Variants in FAR1 observed in about 807,000 individuals in gnomAD.
FAR1 encodes fatty acyl-CoA reductase 1.
FAR1 carries 22 observed loss-of-function variants against 61.1 expected under a neutral mutation model. The ratio of observed to expected loss-of-function variants is 0.36; its 90% CI spans 0.26 to 0.51. FAR1 has a LOEUF of 0.51. Ranked by LOEUF, FAR1 falls within the 20% of genes least tolerant of loss-of-function variation. The pLI, the probability that FAR1 is intolerant of heterozygous loss-of-function variation, is 0.95. For missense variants in FAR1, 359 were observed against 626.9 expected, an observed-to-expected ratio of 0.57 and a Z score of 4.56; for synonymous variants, 206 against 209.7, an observed-to-expected ratio of 0.98 and a Z score of 0.15.
intron 4 of FAR1, among the ~76,000 whole-genome samples, chr11:13,708,466 C>CAT (rs1407183534): frequency 3.4e-5 from 5 of 148,386 alleles, no homozygotes; most frequent in African/African-American, 7.5e-5. Flanking sequence ...CACACACACA[C>CAT]ACACACACAC....
At chr11:13,680,552 G>A (rs1164483619) in intron 1 of FAR1, among the ~76,000 whole-genome samples, 1 of 152,172 alleles carries the variant, frequency 6.6e-6, no homozygotes, top group African/African-American at 2.4e-5. Flanking sequence ...TTCTGATGAG[G>A]GCCTCAGGAG....
intron 1 of FAR1, among the ~76,000 whole-genome samples, chr11:13,683,092 GA>G (rs1326603855): frequency 1.3e-5 from 2 of 152,032 alleles, no homozygotes; most frequent in Non-Finnish European, 2.9e-5. Flanking sequence ...GAGATAAGCA[GA>G]ATTAATTAAA....
At chr11:13,683,407 A>T (rs1199774733) in intron 1 of FAR1, among the ~76,000 whole-genome samples, 3 of 152,128 alleles carry the variant, frequency 2.0e-5, no homozygotes, top group Admixed American at 1.3e-4. Flanking sequence ...AAAAAAAGAC[A>T]AAGCAGCATT....
At position 13,704,419 on chromosome 11, in the gene FAR1, G is replaced by T. The variant is rs142013044; in HGVS notation, c.366-3481G>T. Among the ~76,000 whole-genome samples, 442 of 152,280 alleles carry T rather than the reference G, an allele frequency of 2.9e-3. 2 individuals carry two copies. Among genetic ancestry groups the T allele is most frequent in the Middle Eastern group, 6.8e-3 (2 of 294 alleles). On this transcript the variant is annotated intron_variant, in intron 3 of 11. Coordinates refer to ENST00000354817, the MANE Select transcript of FAR1 (RefSeq NM_032228.6). ...GCTTAGAAAAGATCAAGAAACTATT[G>T]AGTTTGTTGGGCATTGATTATCAAA...
At chr11:13,699,395 A>C (rs983696012) in intron 2 of FAR1, among the ~76,000 whole-genome samples, 4 of 152,328 alleles carry the variant, frequency 2.6e-5, no homozygotes, top group African/African-American at 9.6e-5. Context: ...ATGTGCTAGC[A>C]GTGGAAGTAG....
intron 2 of FAR1, among the ~76,000 whole-genome samples, chr11:13,695,942 TTTAAA>T (rs1455083715): frequency 3.3e-5 from 5 of 152,216 alleles, no homozygotes; most frequent in African/African-American, 1.2e-4. Context: ...TTATTATACT[TTTAAA>T]TTATTCAAAT....
chr11:13,678,534 G>C (rs1186100492), intron 1 of FAR1, among the ~76,000 whole-genome samples: 4 of 152,124 alleles, frequency 2.6e-5, no homozygotes, highest in Non-Finnish European at 4.4e-5. Context: ...AAAGTGCTGG[G>C]GTTACAGGCA....
intron 1 of FAR1, among the ~76,000 whole-genome samples, chr11:13,685,322 T>C (rs1848174247): frequency 6.6e-6 from 1 of 152,078 alleles, no homozygotes; most frequent in Middle Eastern, 3.4e-3. Flanking sequence ...AGATCTCACA[T>C]ATTTATTATT....
intron 3 of FAR1, among the ~76,000 whole-genome samples, chr11:13,702,833 G>GC (rs1264028480): frequency 4.6e-5 from 7 of 152,200 alleles, no homozygotes; most frequent in Admixed American, 4.6e-4. Flanking sequence ...GCTTTACAAG[G>GC]AGGACCAAAG....
At chr11:13,689,626 G>A (rs1356276072) in intron 1 of FAR1, among the ~76,000 whole-genome samples, 1 of 152,126 alleles carries the variant, frequency 6.6e-6, no homozygotes, top group East Asian at 1.9e-4. Context: ...ATGAACATAT[G>A]TACTTATTTC....
At chr11:13,718,649 T>C (rs1477600782) in intron 9 of FAR1, among the ~76,000 whole-genome samples, 1 of 152,222 alleles carries the variant, frequency 6.6e-6, no homozygotes, top group Non-Finnish European at 1.5e-5. Flanking sequence ...TTAATCTGTT[T>C]TACATAACAA....
chr11:13,694,196 A>G (rs1447390826), intron 1 of FAR1, among the ~76,000 whole-genome samples: 3 of 152,184 alleles, frequency 2.0e-5, no homozygotes, highest in African/African-American at 7.2e-5. Flanking sequence ...TTCTTACTCT[A>G]ACTTTTTAAA....
At chr11:13,691,355 C>A (rs1387311503) in intron 1 of FAR1, among the ~76,000 whole-genome samples, 3 of 152,198 alleles carry the variant, frequency 2.0e-5, no homozygotes, top group African/African-American at 7.2e-5. Flanking sequence ...AATAGTATCA[C>A]ATTGGCAAAA....
At chr11:13,694,736 C>T (rs1367856365) in intron 1 of FAR1, 23 bp from the exon 2 acceptor site, 2 of 1,572,152 alleles carry the variant, frequency 1.3e-6, no homozygotes, top group South Asian at 2.3e-5. Context: ...TAAACTAATG[C>T]TTATTTGCCA....
intron 3 of FAR1, among the ~76,000 whole-genome samples, chr11:13,705,255 TATAAC>T (rs1229338053): frequency 1.3e-5 from 2 of 152,064 alleles, no homozygotes; most frequent in African/African-American, 4.8e-5. Context: ...TGACTTCTGA[TATAAC>T]ATGTCAGAGT....
intron 10 of FAR1, among the ~76,000 whole-genome samples, chr11:13,725,692 T>G (rs1012801081): frequency 6.6e-6 from 1 of 152,144 alleles, no homozygotes; most frequent in African/African-American, 2.4e-5. Flanking sequence ...TGGTGTATGT[T>G]TCTCCATTCT....
At chr11:13,677,366 G>A (rs1848078563) in intron 1 of FAR1, among the ~76,000 whole-genome samples, 1 of 152,202 alleles carries the variant, frequency 6.6e-6, no homozygotes, top group Admixed American at 6.5e-5. Context: ...TTTCTAGGAT[G>A]ATCTTTGCCT....
At chr11:13,694,190 T>A (rs1252535765) in intron 1 of FAR1, among the ~76,000 whole-genome samples, 1 of 152,234 alleles carries the variant, frequency 6.6e-6, no homozygotes, top group Non-Finnish European at 1.5e-5. Context: ...ATGTATTTCT[T>A]ACTCTAACTT....
chr11:13,680,511 G>T (rs1012042359), intron 1 of FAR1, among the ~76,000 whole-genome samples: 2 of 152,176 alleles, frequency 1.3e-5, no homozygotes, highest in African/African-American at 4.8e-5. Flanking sequence ...AGTTTTGCAG[G>T]CTGTACAAGA....
Sources: gnomAD v4.1 joint callset for allele counts (sites outside exome capture counted in the v4.1 genomes callset) on GRCh38, gnomAD v4.1.1 for gene constraint, MANE v1.5 for transcripts, NCBI Gene and HGNC (gene_info 2026-07-23, HGNC 2026-07-21) for gene names.